FRAS1: variants seen among roughly 807,000 people sequenced by gnomAD.
FRAS1 encodes the protein extracellular matrix organizing protein FRAS1.
A neutral mutation model predicts 435.2 loss-of-function variants in FRAS1; 290 were observed. The ratio of observed to expected loss-of-function variants is 0.67; its 90% confidence interval spans 0.61 to 0.73. The LOEUF is 0.73. Ranked by LOEUF, FRAS1 falls within the 30% of genes least tolerant of loss-of-function variation. The pLI, the probability that FRAS1 is intolerant of heterozygous loss-of-function variation, is 0.00. For missense variants in FRAS1, 4,860 were observed against 5,001.5 expected (o/e 0.97, Z 0.85); for synonymous variants, 1,800 against 1,851.0 (o/e 0.97, Z 0.71).
chr4:78,230,344 A>T (rs1169417594), intron 2 of FRAS1, among the ~76,000 whole-genome samples: 1 of 152,240 alleles, frequency 6.6e-6, no homozygotes, highest in East Asian at 1.9e-4. Context: ...AAAGGAGATA[A>T]TTTAATGTAA....
chr4:78,210,072 T>C (rs1323922561), intron 2 of FRAS1, among the ~76,000 whole-genome samples: 1 of 152,204 alleles, frequency 6.6e-6, no homozygotes, highest in Non-Finnish European at 1.5e-5. Context: ...TCATCCTTCA[T>C]GTGATGGTAG....
intron 2 of FRAS1, among the ~76,000 whole-genome samples, chr4:78,199,164 A>G (rs545517074): frequency 6.6e-6 from 1 of 152,308 alleles, no homozygotes; most frequent in South Asian, 2.1e-4. Context: ...ATATTTGTTG[A>G]TAGATTGGTT....
chr4:78,380,446 T>A (rs1310121614), intron 27 of FRAS1, among the ~76,000 whole-genome samples: 1 of 152,190 alleles, frequency 6.6e-6, no homozygotes. Context: ...AACTTTTTAT[T>A]ATCCACATTA....
At chr4:78,479,800 T>A in intron 56 of FRAS1, 82 bp downstream of exon 56, 1 of 1,102,932 alleles carries the variant, frequency 9.1e-7, no homozygotes, top group East Asian at 2.6e-5. Flanking sequence ...TTTCAGAATA[T>A]CCGGGAGACA....
chr4:78,537,690 C>G (rs1269643769), intron 72 of FRAS1, among the ~76,000 whole-genome samples: 1 of 152,144 alleles, frequency 6.6e-6, no homozygotes, highest in South Asian at 2.1e-4. Context: ...TGCCTGTAAT[C>G]CCAACATTTT....
rs777480818 is a variant in FRAS1 at position 78,369,930 on chromosome 4, T to C, written c.2815T>C (p.Tyr939His). The C allele has an allele frequency of 6.2e-7, 1 of 1,613,886 alleles. No homozygotes were observed. The highest frequency in any genetic ancestry group is 2.2e-5 in the East Asian group (1 of 44,888). Reference protein sequence around the residue: ...NKVLLFGECQYESCAPQYYLD... With the variant: ...NKVLLFGECQHESCAPQYYLD... ...GGTTCTGCTCTTTGGGGAATGTCAA[T>C]ACGAGAGCTGCGCCCCACAGTACTA... The change falls in exon 23 of 74, where the codon TAC (tyrosine) becomes CAC (histidine). Residue 939 changes from tyrosine (Y) to histidine (H), a missense_variant. Transcript: ENST00000512123.
intron 72 of FRAS1, among the ~76,000 whole-genome samples, chr4:78,537,775 T>C (rs1348587347): frequency 6.6e-6 from 1 of 151,892 alleles, no homozygotes; most frequent in Non-Finnish European, 1.5e-5. Flanking sequence ...AGACCCCATA[T>C]CTACAAAAAA....
Position 78,337,718 on chromosome 4 carries a change from G to C in FRAS1, c.2323G>C (p.Asp775His), listed in dbSNP as rs770402087. 7.4e-6 allele frequency: 12 copies of C among 1,613,852 alleles called. No individual in the cohort carries two copies. The highest frequency in any genetic ancestry group is 1.7e-5 in the Admixed American group (1 of 60,006). ...GCAGTGTCATGGGCCGTTGGAGTCT[G>C]ACTGCATCTCCTGTTACCCTCACAT... ...CRQCHGPLES[D>H]CISCYPHISL... The change falls in exon 20 of 74, where the codon GAC becomes CAC. Residue 775 changes from aspartate to histidine, a missense_variant. By Grantham distance (81) the Asp-to-His change is moderately conservative. Transcript: ENST00000512123.
chr4:78,249,289 T>C (rs1725418427), intron 4 of FRAS1, among the ~76,000 whole-genome samples: 1 of 148,590 alleles, frequency 6.7e-6, no homozygotes, highest in Non-Finnish European at 1.5e-5. Context: ...CTGTCTGGAC[T>C]TTCTTCTGTG....
At chr4:78,503,189 G>T (rs1720732758) in intron 61 of FRAS1, among the ~76,000 whole-genome samples, 1 of 151,916 alleles carries the variant, frequency 6.6e-6, no homozygotes, top group Non-Finnish European at 1.5e-5. Flanking sequence ...TTCTTGTTGT[G>T]TCTCTGCCAG....
intron 2 of FRAS1, among the ~76,000 whole-genome samples, chr4:78,088,989 T>C (rs1578115784): frequency 6.6e-6 from 1 of 152,168 alleles, no homozygotes; most frequent in Non-Finnish European, 1.5e-5. Context: ...CGTATGTTTA[T>C]TGCAGCACTA....
At chr4:78,153,336 G>A (rs1189178449) in intron 2 of FRAS1, among the ~76,000 whole-genome samples, 2 of 152,178 alleles carry the variant, frequency 1.3e-5, no homozygotes, top group South Asian at 2.1e-4. Context: ...GAATGGGGCC[G>A]GGAATATGGT....
chr4:78,120,700 T>C (rs935102282), intron 2 of FRAS1, among the ~76,000 whole-genome samples: 2 of 152,176 alleles, frequency 1.3e-5, no homozygotes, highest in Non-Finnish European at 2.9e-5. Flanking sequence ...CACACTCTTG[T>C]GGGTAGCAGA....
chr4:78,528,368 A>T (rs1029497147), intron 70 of FRAS1, among the ~76,000 whole-genome samples: 33 of 152,306 alleles, frequency 2.2e-4, no homozygotes, highest in Middle Eastern at 3.4e-3. Context: ...GATAGGGAAC[A>T]TATCCATTTC....
chr4:78,480,718 A>G (rs1367251253), intron 56 of FRAS1, among the ~76,000 whole-genome samples: 2 of 152,326 alleles, frequency 1.3e-5, no homozygotes, highest in East Asian at 3.9e-4. Context: ...TTGTGGCTCC[A>G]CAAAGGTCTT....
rs1310976516 is a variant in FRAS1 at position 78,307,340 on chromosome 4, AGGT to A, written c.1535-723_1535-721del. Among the ~76,000 whole-genome samples the A allele has an allele frequency of 2.0e-5, 3 of 152,324 alleles. No homozygotes were observed. In the East Asian group the frequency reaches 5.8e-4, roughly 29 times the overall value. On this transcript the variant is annotated intron_variant, in intron 14 of 73. Coordinates refer to ENST00000512123, the MANE Select transcript of FRAS1 (RefSeq NM_025074.7). ...TTGTTTGTCTGTGCCCTGCCCCCAGAGGTGGAGCCTATAGAGGCAGGCAGGCCT... is the reference window on the plus strand; with the variant it reads ...TTGTTTGTCTGTGCCCTGCCCCCAGAGGAGCCTATAGAGGCAGGCAGGCCT...
intron 2 of FRAS1, among the ~76,000 whole-genome samples, chr4:78,194,653 T>G (rs1436903100): frequency 6.6e-6 from 1 of 152,210 alleles, no homozygotes; most frequent in Non-Finnish European, 1.5e-5. Flanking sequence ...CTGAATTGGT[T>G]ATTCTGGTTA....
intron 27 of FRAS1, among the ~76,000 whole-genome samples, chr4:78,380,644 C>T (rs189020354): frequency 1.2e-3 from 181 of 152,270 alleles, no homozygotes; most frequent in African/African-American, 4.3e-3. Context: ...CAGAGGGTGC[C>T]CCCCAAAGAT....
chr4:78,088,656 C>T (rs184502989), intron 2 of FRAS1, among the ~76,000 whole-genome samples: 3,609 of 152,192 alleles, frequency 0.024, 147 homozygotes, highest in African/African-American at 0.081. Context: ...GACATTTATG[C>T]AGCCAAAAAA....
Sources: gnomAD v4.1 joint callset for allele counts (sites outside exome capture counted in the v4.1 genomes callset) on GRCh38, gnomAD v4.1.1 for gene constraint, MANE v1.5 for transcripts, NCBI Gene and HGNC (gene_info 2026-07-23, HGNC 2026-07-21) for gene names.